The following PLD5 variants were observed in gnomAD, a reference collection of about 807,000 sequenced individuals.
The protein encoded by PLD5 is phospholipase D family member 5.
PLD5 carries 36 observed loss-of-function variants against 61.1 expected under a neutral mutation model. The observed-to-expected ratio is 0.59, with a 90% CI of 0.45 to 0.78. The LOEUF (loss-of-function observed/expected upper bound fraction) is 0.78, where lower values mean the gene tolerates loss of function less well. Ranked by LOEUF, PLD5 falls within the 30% of genes least tolerant of loss-of-function variation. PLD5 has a pLI of 0.00. For synonymous variants in PLD5, 243 were observed against 242.8 expected, an observed-to-expected ratio of 1.00 and a Z score of -0.01; for missense variants, 515 against 644.4, an observed-to-expected ratio of 0.80 and a Z score of 2.17.
At chr1:242,444,921 A>G (rs925017495) in intron 1 of PLD5, among the ~76,000 whole-genome samples, 5 of 151,930 alleles carry the variant, frequency 3.3e-5, no homozygotes, top group Non-Finnish European at 7.4e-5. Flanking sequence ...AATAGATAAC[A>G]TAAGTCACAT....
intron 2 of PLD5, among the ~76,000 whole-genome samples, chr1:242,306,110 G>T (rs1181529878): frequency 6.6e-6 from 1 of 151,874 alleles, no homozygotes; most frequent in South Asian, 2.1e-4. Context: ...AGGGACATGA[G>T]GCTGTGCTGA....
At chr1:242,207,776 A>ATATT (rs1558343460) in intron 5 of PLD5, among the ~76,000 whole-genome samples, 10 of 104,380 alleles carry the variant, frequency 9.6e-5, no homozygotes, top group East Asian at 2.4e-4. Context: ...ATATATATTT[A>ATATT]TATATATTTA....
At chr1:242,418,201 G>T (rs1308352226) in intron 1 of PLD5, among the ~76,000 whole-genome samples, 1 of 152,068 alleles carries the variant, frequency 6.6e-6, no homozygotes, top group Non-Finnish European at 1.5e-5. Flanking sequence ...ACAGAGTCAA[G>T]AAAAACCCTA....
chr1:242,475,586 G>C (rs1667573107), intron 1 of PLD5, among the ~76,000 whole-genome samples: 1 of 152,226 alleles, frequency 6.6e-6, no homozygotes, highest in Middle Eastern at 3.4e-3. Context: ...CTTTAGCAGA[G>C]AAAAAACAGA....
chr1:242,317,086 C>T (rs542775366), intron 2 of PLD5, among the ~76,000 whole-genome samples: 1 of 151,838 alleles, frequency 6.6e-6, no homozygotes, highest in Non-Finnish European at 1.5e-5. Flanking sequence ...TGGCTCACTG[C>T]AACCTCTGCC....
At chr1:242,333,859 C>T (rs1303215784) in intron 2 of PLD5, among the ~76,000 whole-genome samples, 1 of 151,520 alleles carries the variant, frequency 6.6e-6, no homozygotes, top group Non-Finnish European at 1.5e-5. Context: ...TATTCCATTG[C>T]ATATATATAT....
intron 2 of PLD5, among the ~76,000 whole-genome samples, chr1:242,297,589 A>T (rs528803458): frequency 6.6e-6 from 1 of 150,500 alleles, no homozygotes; most frequent in South Asian, 2.1e-4. Flanking sequence ...CTTTTATATT[A>T]AAAAATGTTT....
chr1:242,152,354 C>T (rs1664993614), intron 5 of PLD5, among the ~76,000 whole-genome samples: 1 of 151,782 alleles, frequency 6.6e-6, no homozygotes, highest in African/African-American at 2.4e-5. Flanking sequence ...GGATAATGTC[C>T]CTATTTTTTT....
intron 1 of PLD5, among the ~76,000 whole-genome samples, chr1:242,393,405 T>A (rs370290741): frequency 9.4e-4 from 18 of 19,250 alleles, no homozygotes; most frequent in Non-Finnish European, 1.1e-3. Context: ...TATATATATG[T>A]GTATATATAT....
intron 1 of PLD5, among the ~76,000 whole-genome samples, chr1:242,523,044 G>T (rs1669328854): frequency 1.3e-5 from 2 of 152,098 alleles, no homozygotes; most frequent in African/African-American, 4.8e-5. Context: ...GGAGTGCTTT[G>T]GGGGGCAGAT....
In PLD5 at chr1:242,086,471, T is replaced by C. The variant is rs1371806661; in HGVS notation, c.*3383A>G. On this transcript the variant is annotated 3_prime_UTR_variant, in exon 10 of 10. Coordinates refer to ENST00000536534, the MANE Select transcript of PLD5 (RefSeq NM_001372062.1). Reference sequence around the variant, plus strand: ...TGTCATCTCACTCTTCCACTTCCTCTCCAATGGTTGGACAAGCAGAGATTC... The same window carrying C: ...TGTCATCTCACTCTTCCACTTCCTCCCCAATGGTTGGACAAGCAGAGATTC... The C allele has an allele frequency of 2.0e-5, 3 of 152,150 alleles. No homozygotes were observed. Among genetic ancestry groups the C allele is most frequent in the African/African-American group, 7.2e-5 (3 of 41,430 alleles). 9.4% of individuals were successfully genotyped at this position (152,150 alleles called of 1,614,324 possible). A position where few individuals can be genotyped will look rare whatever the true frequency, so the allele number is the denominator to read the frequency against.
At chr1:242,165,299 G>A (rs1666220293) in intron 5 of PLD5, among the ~76,000 whole-genome samples, 1 of 151,976 alleles carries the variant, frequency 6.6e-6, no homozygotes, top group Admixed American at 6.6e-5. Context: ...TTGCAAGAAA[G>A]CATCTTCTCC....
chr1:242,261,576 G>A (rs1302205775), intron 4 of PLD5, among the ~76,000 whole-genome samples: 2 of 152,128 alleles, frequency 1.3e-5, no homozygotes, highest in Non-Finnish European at 2.9e-5. Context: ...GCCTCAAATG[G>A]ATGAAGATAT....
At chr1:242,321,347 A>G (rs1658397926) in intron 2 of PLD5, among the ~76,000 whole-genome samples, 2 of 148,558 alleles carry the variant, frequency 1.3e-5, no homozygotes, top group Admixed American at 1.4e-4. Context: ...CTTGTTGCCC[A>G]GGCTGGAGTA....
intron 2 of PLD5, among the ~76,000 whole-genome samples, chr1:242,304,166 C>T (rs1676216171): frequency 6.6e-6 from 1 of 152,134 alleles, no homozygotes; most frequent in Non-Finnish European, 1.5e-5. Flanking sequence ...AGTTGTATAC[C>T]ATTAAAGCTG....
rs149414038 is a variant in PLD5, at chr1:242,206,027, G to A, written c.735+13961C>T. On this transcript the variant is annotated intron_variant, in intron 5 of 9. Coordinates refer to ENST00000536534, the MANE Select transcript of PLD5 (RefSeq NM_001372062.1). ...CAGAGGGAGTGTGACTCTCATCGGC[G>A]TCCCATGAAATAGTTATTGTCAGAA... 6.2e-4 allele frequency among the ~76,000 whole-genome samples: 94 copies of A among 152,288 alleles called. No individual in the cohort carries two copies. The South Asian group carries it at 6.2e-3, about 10-fold the overall frequency.
intron 5 of PLD5, among the ~76,000 whole-genome samples, chr1:242,134,695 C>T (rs995326735): frequency 2.0e-5 from 3 of 152,174 alleles, no homozygotes; most frequent in East Asian, 1.9e-4. Flanking sequence ...GAGCATTGCT[C>T]GCTGGACTTC....
intron 1 of PLD5, among the ~76,000 whole-genome samples, chr1:242,348,594 G>A (rs1276419117): frequency 6.6e-6 from 1 of 152,106 alleles, no homozygotes; most frequent in African/African-American, 2.4e-5. Flanking sequence ...CTAGCATCAT[G>A]CTGTCAATAA....
rs376152694 is a variant in PLD5 at position 242,387,912 on chromosome 1, T to C, written c.190-39670A>G. ...GAGACTGAAAAGGTAAGGTTTGGTC[T>C]TGTTTGCTAGGTTGTTTGTTTACTG... On this transcript the variant is annotated intron_variant, in intron 1 of 9. Coordinates refer to ENST00000536534, the MANE Select transcript of PLD5 (RefSeq NM_001372062.1). 2.5e-3 allele frequency among the ~76,000 whole-genome samples: 384 copies of C among 152,220 alleles called. 3 individuals are homozygous for C. Among genetic ancestry groups the C allele is most frequent in the South Asian group, 0.011 (53 of 4,820 alleles).
Sources: allele counts gnomAD v4.1 joint callset (sites outside exome capture counted in the v4.1 genomes callset), GRCh38; gene constraint gnomAD v4.1.1; transcripts MANE v1.5; gene names NCBI Gene and HGNC (gene_info 2026-07-23, HGNC 2026-07-21).